The following NCAM1 variants were observed in gnomAD, a reference collection of about 807,000 sequenced individuals.
NCAM1 encodes the protein neural cell adhesion molecule 1.
NCAM1 carries 14 observed loss-of-function variants against 109.8 expected under a neutral mutation model. The ratio of observed to expected loss-of-function variants is 0.13; its 90% confidence interval spans 0.08 to 0.20. NCAM1 has a LOEUF of 0.20. Ranked by LOEUF, NCAM1 falls within the 10% of genes least tolerant of loss-of-function variation. The pLI is 1.00. For synonymous variants in NCAM1, 418 were observed against 442.9 expected, an observed-to-expected ratio of 0.94 and a Z score of 0.70; for missense variants, 774 against 1,109.9, an observed-to-expected ratio of 0.70 and a Z score of 4.30.
intron 1 of NCAM1, among the ~76,000 whole-genome samples, chr11:113,001,176 C>T (rs1256626986): frequency 6.6e-6 from 1 of 152,102 alleles, no homozygotes; most frequent in Non-Finnish European, 1.5e-5. Context: ...CAGGTGTTCT[C>T]CTAGGTCTGG....
chr11:113,027,999 C>G (rs1952602552), intron 1 of NCAM1, among the ~76,000 whole-genome samples: 1 of 152,046 alleles, frequency 6.6e-6, no homozygotes, highest in African/African-American at 2.4e-5. Context: ...AAAAGCTGAT[C>G]TCATAGAAGC....
At chr11:112,989,302 A>C (rs192925423) in intron 1 of NCAM1, among the ~76,000 whole-genome samples, 2 of 151,344 alleles carry the variant, frequency 1.3e-5, no homozygotes, top group African/African-American at 4.9e-5. Context: ...CTTTTTCATT[A>C]TTTTTCCTTT....
intron 8 of NCAM1, among the ~76,000 whole-genome samples, chr11:113,215,962 G>A (rs1555114320): frequency 6.6e-6 from 1 of 152,160 alleles, no homozygotes; most frequent in Non-Finnish European, 1.5e-5. Flanking sequence ...GAGTGACCCA[G>A]TGTATATCTT....
chr11:113,172,990 G>T lies in NCAM1; in HGVS notation c.53-29389G>T, dbSNP rs146326638. Among the ~76,000 whole-genome samples, 708 of 152,236 alleles carry T rather than the reference G, an allele frequency of 4.7e-3. 6 individuals carry two copies. The highest frequency in any genetic ancestry group is 0.016 in the African/African-American group (664 of 41,524). ...GTTTTACTTTTCAAAAATACTGCTC[G>T]TGGCAGCTCCAGCCTCCACACAGGG... On this transcript the variant is annotated intron_variant, in intron 1 of 19. Coordinates refer to ENST00000316851, the MANE Select transcript of NCAM1 (RefSeq NM_181351.5).
chr11:113,007,543 A>G (rs1018056249), intron 1 of NCAM1, among the ~76,000 whole-genome samples: 1 of 152,236 alleles, frequency 6.6e-6, no homozygotes, highest in African/African-American at 2.4e-5. Flanking sequence ...CAAAACTGCC[A>G]TATTTTACTG....
At chr11:112,969,406 A>G (rs186813792) in intron 1 of NCAM1, among the ~76,000 whole-genome samples, 141 of 152,278 alleles carry the variant, frequency 9.3e-4, no homozygotes, top group African/African-American at 3.3e-3. Context: ...TAATTTGAAT[A>G]TATATAGCAT....
chr11:113,195,611 T>TCCTGCCTCAG (rs1943831816), intron 1 of NCAM1, among the ~76,000 whole-genome samples: 1 of 149,344 alleles, frequency 6.7e-6, no homozygotes, highest in Non-Finnish European at 1.5e-5. Flanking sequence ...CACGCCATTC[T>TCCTGCCTCAG]CCTGCCTCAG....
intron 1 of NCAM1, among the ~76,000 whole-genome samples, chr11:113,024,293 C>A (rs782525929): frequency 1.3e-5 from 2 of 152,106 alleles, no homozygotes; most frequent in Non-Finnish European, 2.9e-5. Context: ...TGAACTTTAG[C>A]GAAAATTTGG....
intron 1 of NCAM1, among the ~76,000 whole-genome samples, chr11:113,055,388 C>T (rs1475510831): frequency 6.6e-6 from 1 of 152,174 alleles, no homozygotes. Flanking sequence ...AAATGGTCAA[C>T]GTTTTAAACT....
chr11:113,253,728 G>C (rs1201890547), intron 15 of NCAM1, among the ~76,000 whole-genome samples: 1 of 152,194 alleles, frequency 6.6e-6, no homozygotes, highest in African/African-American at 2.4e-5. Flanking sequence ...GGGCATGTTG[G>C]AAGGGCCACT....
rs181538945 is a variant in NCAM1, at chr11:113,226,395, T to C, written c.1089+5070T>C. Among the ~76,000 whole-genome samples, 5 of 152,254 alleles carry C rather than the reference T, an allele frequency of 3.3e-5. No individual in the cohort carries two copies. In the East Asian group the frequency reaches 9.6e-4, roughly 29 times the overall value. On this transcript the variant is annotated intron_variant, in intron 9 of 19. Transcript: ENST00000316851. ...AGAAGAGCTAACTAACCTAAATATA[T>C]ATGCACCCAGTACAGGAGCACCCGG... is the stretch of plus-strand genomic sequence containing the variant.
intron 1 of NCAM1, among the ~76,000 whole-genome samples, chr11:112,989,234 T>A (rs1555070189): frequency 6.6e-6 from 1 of 152,192 alleles, no homozygotes; most frequent in Non-Finnish European, 1.5e-5. Flanking sequence ...GGAATTCCCA[T>A]AACTTGTATA....
intron 5 of NCAM1, 142 bp from the exon 6 acceptor site, chr11:113,207,119 A>T: frequency 3.2e-6 from 2 of 618,400 alleles, no homozygotes; most frequent in East Asian, 2.8e-5. Context: ...ATGAATTTCA[A>T]TTCCTGACAC....
chr11:113,254,511 A>G (rs781973325), intron 15 of NCAM1, among the ~76,000 whole-genome samples: 1 of 152,216 alleles, frequency 6.6e-6, no homozygotes, highest in Non-Finnish European at 1.5e-5. Flanking sequence ...TGCTGGCCCT[A>G]TGATGATAAG....
chr11:113,222,860 GA>G (rs1555115556), intron 9 of NCAM1, among the ~76,000 whole-genome samples: 1 of 152,082 alleles, frequency 6.6e-6, no homozygotes, highest in East Asian at 1.9e-4. Flanking sequence ...TCTTACTTTG[GA>G]CGTAATTGAC....
intron 14 of NCAM1, among the ~76,000 whole-genome samples, chr11:113,240,286 T>C (rs1945284186): frequency 6.6e-6 from 1 of 152,236 alleles, no homozygotes; most frequent in Non-Finnish European, 1.5e-5. Context: ...GTCTCATTCA[T>C]TCAGATGTTG....
chr11:113,212,770 A>G (rs782200669), intron 7 of NCAM1, among the ~76,000 whole-genome samples: 1 of 152,220 alleles, frequency 6.6e-6, no homozygotes, highest in Non-Finnish European at 1.5e-5. Flanking sequence ...TTTGCCCTCT[A>G]AAACTTCCCT....
chr11:113,234,173 A>G (rs1945093737), intron 13 of NCAM1, among the ~76,000 whole-genome samples: 1 of 151,442 alleles, frequency 6.6e-6, no homozygotes, highest in Non-Finnish European at 1.5e-5. Context: ...GAAGAAAGCA[A>G]TCACTTTGCC....
intron 1 of NCAM1, among the ~76,000 whole-genome samples, chr11:113,130,510 C>T (rs1941345679): frequency 6.6e-6 from 1 of 152,170 alleles, no homozygotes; most frequent in African/African-American, 2.4e-5. Flanking sequence ...TGCCAAGGAA[C>T]AGTGGTGTTG....
Sources: gnomAD v4.1 joint callset for allele counts (sites outside exome capture counted in the v4.1 genomes callset) on GRCh38, gnomAD v4.1.1 for gene constraint, MANE v1.5 for transcripts, NCBI Gene and HGNC (gene_info 2026-07-23, HGNC 2026-07-21) for gene names.